Variants in RALGAPA2 observed in about 807,000 individuals in gnomAD.
The protein encoded by RALGAPA2 is ral GTPase-activating protein subunit alpha-2.
Under a neutral mutation model 230.4 loss-of-function variants are expected in RALGAPA2, and 139 were observed. That is an observed-to-expected ratio of 0.60 (90% CI 0.53 to 0.69). RALGAPA2 has a LOEUF of 0.69. RALGAPA2 is among the 30% of genes least tolerant of loss of function. The pLI is 0.00. For synonymous variants in RALGAPA2, 847 were observed against 837.8 expected (o/e 1.01, Z -0.19); for missense variants, 2,163 against 2,276.0 (o/e 0.95, Z 1.01).
chr20:20,578,016 A>C (rs2064874911), intron 20 of RALGAPA2, among the ~76,000 whole-genome samples: 1 of 152,134 alleles, frequency 6.6e-6, no homozygotes, highest in African/African-American at 2.4e-5. Flanking sequence ...TTATGAAAGA[A>C]TCCCACATAG....
At chr20:20,403,404 C>T (rs889453335) in intron 38 of RALGAPA2, among the ~76,000 whole-genome samples, 5 of 152,286 alleles carry the variant, frequency 3.3e-5, no homozygotes, top group African/African-American at 2.4e-5. Context: ...TCTGTGTCCC[C>T]GGGTCTTAAG....
chr20:20,488,718 A>G (rs1441816501), intron 36 of RALGAPA2, among the ~76,000 whole-genome samples: 1 of 152,166 alleles, frequency 6.6e-6, no homozygotes, highest in African/African-American at 2.4e-5. Context: ...TGCCCATTCT[A>G]TCACTCTGCT....
chr20:20,393,166 G>T lies in RALGAPA2; in HGVS notation c.*123C>A, dbSNP rs775193577. 2 of 1,356,452 alleles carry T rather than the reference G, an allele frequency of 1.5e-6. No homozygotes were observed. The highest frequency in any genetic ancestry group is 2.0e-6 in the Non-Finnish European group (2 of 1,017,322). 84.0% of individuals were successfully genotyped at this position (1,356,452 alleles called of 1,614,324 possible). On this transcript the variant is annotated 3_prime_UTR_variant, in exon 40 of 40. Coordinates refer to ENST00000202677, the MANE Select transcript of RALGAPA2 (RefSeq NM_020343.4). ...TTTCCTGGAGATTCTGGGTTTAGTG[G>T]CTCGGGGCAGAGGCAGGAGAGGGTG...
intron 9 of RALGAPA2, among the ~76,000 whole-genome samples, chr20:20,634,568 G>A (rs1208934128): frequency 2.6e-5 from 4 of 152,160 alleles, no homozygotes; most frequent in Non-Finnish European, 5.9e-5. Context: ...TAACCTTGAA[G>A]CACAAGAGCC....
At chr20:20,667,692 A>T (rs2068002115) in intron 3 of RALGAPA2, among the ~76,000 whole-genome samples, 2 of 152,220 alleles carry the variant, frequency 1.3e-5, no homozygotes, top group African/African-American at 4.8e-5. Context: ...AGGACGGGTG[A>T]GAAAGAGACA....
Position 20,524,426 on chromosome 20 carries a change from A to T in RALGAPA2, c.3880T>A (p.Leu1294Met). Reference protein sequence around the residue: ...LEEQHSARAPLLDYIYRVLHC... With the variant: ...LEEQHSARAPMLDYIYRVLHC... The stretch of plus-strand genomic sequence containing the variant: ...CTCACCCTGTAGATATAATCCAGCA[A>T]GGGGGCTCTGGCCGAATGCTGCTCC... The change falls in exon 30 of 40, where the codon TTG becomes ATG. Residue 1294 changes from leucine to methionine, a missense_variant. Leu to Met is a conservative substitution (Grantham distance 15). Coordinates refer to ENST00000202677, the MANE Select transcript of RALGAPA2 (RefSeq NM_020343.4). 2 of 1,613,892 alleles carry T rather than the reference A, an allele frequency of 1.2e-6. No individual in the cohort carries two copies. Among genetic ancestry groups the T allele is most frequent in the Non-Finnish European group, 8.5e-7 (1 of 1,179,818 alleles).
intron 20 of RALGAPA2, among the ~76,000 whole-genome samples, chr20:20,577,716 C>A (rs754433140): frequency 5.9e-5 from 9 of 151,922 alleles, no homozygotes; most frequent in Admixed American, 3.3e-4. Context: ...ACATGAGCCC[C>A]CAAGTGAACA....
At chr20:20,539,250 T>A (rs1243301921) in intron 24 of RALGAPA2, among the ~76,000 whole-genome samples, 1 of 152,182 alleles carries the variant, frequency 6.6e-6, no homozygotes, top group Non-Finnish European at 1.5e-5. Flanking sequence ...TACTTCAAAC[T>A]GGTAATTACC....
At chr20:20,659,169 T>G (rs2067687983) in intron 3 of RALGAPA2, among the ~76,000 whole-genome samples, 1 of 152,192 alleles carries the variant, frequency 6.6e-6, no homozygotes, top group Non-Finnish European at 1.5e-5. Context: ...ACTGTTCGGT[T>G]TAAAGAAAAC....
chr20:20,611,819 G>A (rs1324725084), intron 13 of RALGAPA2, among the ~76,000 whole-genome samples: 1 of 152,208 alleles, frequency 6.6e-6, no homozygotes, highest in Non-Finnish European at 1.5e-5. Flanking sequence ...TAACCTGTAA[G>A]GTCTCCCTCT....
intron 33 of RALGAPA2, 83 bp from the exon 34 acceptor site, chr20:20,505,617 T>G: frequency 8.2e-7 from 1 of 1,215,828 alleles, no homozygotes; most frequent in East Asian, 2.6e-5. Context: ...CAGCATGACT[T>G]CTACCACTGA....
intron 14 of RALGAPA2, among the ~76,000 whole-genome samples, chr20:20,608,336 A>C (rs1240793122): frequency 1.3e-5 from 2 of 152,214 alleles, no homozygotes; most frequent in Non-Finnish European, 2.9e-5. Flanking sequence ...ATACCATCAG[A>C]GCTTCAAGCA....
chr20:20,604,900 T>G (rs1473954719), intron 15 of RALGAPA2, among the ~76,000 whole-genome samples: 1 of 152,202 alleles, frequency 6.6e-6, no homozygotes, highest in Non-Finnish European at 1.5e-5. Context: ...AGAGATAATA[T>G]GTACAATGTA....
intron 3 of RALGAPA2, among the ~76,000 whole-genome samples, chr20:20,674,786 A>C (rs2068259582): frequency 6.6e-6 from 1 of 152,244 alleles, no homozygotes; most frequent in African/African-American, 2.4e-5. Flanking sequence ...AAAACAAAAC[A>C]AAACCACACA....
In RALGAPA2 at chr20:20,505,287, TC is replaced by T. The variant is rs893378605; in HGVS notation, c.5052+123del. The T allele has an allele frequency of 8.0e-6, 10 of 1,244,862 alleles. No homozygotes were observed. The Admixed American group carries it at 1.9e-4, about 24-fold the overall frequency. The allele number at this position is 1,244,862 out of a possible 1,614,324, so 77.1% of individuals were successfully genotyped here. On this transcript the variant is annotated intron_variant, in intron 34 of 39. Coordinates refer to ENST00000202677, the MANE Select transcript of RALGAPA2 (RefSeq NM_020343.4). ...TGTCAAATCCAATAAATTCTTCAAT[TC>T]CAGAACTCTATCTATGCTATATTTG...
chr20:20,459,128 C>T (rs565263187), intron 37 of RALGAPA2, among the ~76,000 whole-genome samples: 103 of 151,890 alleles, frequency 6.8e-4, no homozygotes, highest in Non-Finnish European at 1.3e-3. Flanking sequence ...CTTAGATGGA[C>T]CCCTTGGAAT....
intron 20 of RALGAPA2, among the ~76,000 whole-genome samples, chr20:20,580,810 C>T (rs1406174514): frequency 6.6e-6 from 1 of 152,066 alleles, no homozygotes; most frequent in Non-Finnish European, 1.5e-5. Context: ...AAACAGTTTG[C>T]CAGTGATGAA....
At chr20:20,464,547 T>C (rs1288880564) in intron 37 of RALGAPA2, among the ~76,000 whole-genome samples, 3 of 152,234 alleles carry the variant, frequency 2.0e-5, no homozygotes, top group Non-Finnish European at 4.4e-5. Context: ...TTCCTTCTTG[T>C]CTGCAAGGTT....
chr20:20,444,066 G>A (rs1441238810), intron 37 of RALGAPA2, among the ~76,000 whole-genome samples: 1 of 152,178 alleles, frequency 6.6e-6, no homozygotes, highest in Non-Finnish European at 1.5e-5. Context: ...GGTGGGTGCT[G>A]GGCATCAGTC....
Sources: gnomAD v4.1 joint callset for allele counts (sites outside exome capture counted in the v4.1 genomes callset) on GRCh38, gnomAD v4.1.1 for gene constraint, MANE v1.5 for transcripts, NCBI Gene and HGNC (gene_info 2026-07-23, HGNC 2026-07-21) for gene names.